The following FAM167A variants were observed in gnomAD, a reference collection of about 807,000 sequenced individuals.
The protein encoded by FAM167A is protein FAM167A.
In FAM167A, 23 loss-of-function variants were observed where a neutral mutation model predicts 14.9. The observed-to-expected ratio is 1.55, with a 90% CI of 1.11 to 2.19. The LOEUF (loss-of-function observed/expected upper bound fraction) is 2.19. FAM167A is among the 30% of genes most tolerant of loss of function. The probability of loss-of-function intolerance (pLI) is 0.00; values close to 1 mark genes in which losing one functional copy is unlikely to be tolerated. For synonymous variants in FAM167A, 174 were observed against 117.7 expected (o/e 1.48, Z -3.10); for missense variants, 401 against 281.5 (o/e 1.42, Z -3.04).
chr8:11,449,933 G>T (rs1358569333), intron 1 of FAM167A, among the ~76,000 whole-genome samples: 1 of 152,138 alleles, frequency 6.6e-6, no homozygotes, highest in African/African-American at 2.4e-5. Context: ...CCACTTCCTC[G>T]ATGGGCTCCC....
At chr8:11,442,517 C>T (rs577280914) in intron 2 of FAM167A, among the ~76,000 whole-genome samples, 1 of 152,202 alleles carries the variant, frequency 6.6e-6, no homozygotes, top group South Asian at 2.1e-4. Context: ...TCAGCTCCCA[C>T]AGGCAATAAA....
At chr8:11,427,525 G>A (rs1021702603) in intron 2 of FAM167A, among the ~76,000 whole-genome samples, 1 of 152,202 alleles carries the variant, frequency 6.6e-6, no homozygotes, top group Non-Finnish European at 1.5e-5. Flanking sequence ...TTAGAAAAAT[G>A]AGCCCTGAGA....
chr8:11,474,652 A>C (rs774090167), intron 1 of FAM167A: 6 of 152,238 alleles, frequency 3.9e-5, no homozygotes, highest in Non-Finnish European at 8.8e-5. Context: ...CAGAGGACAG[A>C]CTGATGAACA....
At position 11,444,457 on chromosome 8, in the gene FAM167A, G is replaced by T; in HGVS notation, c.-46C>A. ...CCGGACATGCGAGGGCACGGGGGGC[G>T]CAGGGGGAGGCTTGGTGGGTGGCAC... is the stretch of plus-strand genomic sequence containing the variant. On this transcript the variant is annotated 5_prime_UTR_variant, in exon 2 of 3. Transcript: ENST00000284486. The T allele has an allele frequency of 6.6e-7, 1 of 1,506,992 alleles. No homozygotes were observed. The allele number at this position is 1,506,992 out of a possible 1,614,324, so 93.4% of individuals were successfully genotyped here.
Position 11,458,671 on chromosome 8 carries a change from G to C in FAM167A, c.-398+7955C>G, listed in dbSNP as rs1183376973. Among the ~76,000 whole-genome samples, 3 of 152,176 alleles carry C rather than the reference G, an allele frequency of 2.0e-5. No homozygotes were observed. In the East Asian group the frequency reaches 5.8e-4, roughly 29 times the overall value. On this transcript the variant is annotated intron_variant, in intron 1 of 2. Transcript: ENST00000284486. ...AAACACAGACACTTGGAGAAATAGGGTATTTTCATCAGGAGCAGCTCAGCT... is the reference window on the plus strand; with the variant it reads ...AAACACAGACACTTGGAGAAATAGGCTATTTTCATCAGGAGCAGCTCAGCT...
intron 2 of FAM167A, 58 bp downstream of exon 2, chr8:11,443,973 A>G: frequency 6.4e-7 from 1 of 1,552,328 alleles, no homozygotes; most frequent in Non-Finnish European, 8.7e-7. Flanking sequence ...ACAGAAAAAG[A>G]CACAGAGAGA....
intron 1 of FAM167A, among the ~76,000 whole-genome samples, chr8:11,451,761 G>A (rs904902239): frequency 2.0e-4 from 30 of 152,282 alleles, no homozygotes; most frequent in African/African-American, 7.2e-4. Context: ...AACCAACCCT[G>A]GAGGCAAATG....
chr8:11,424,661 G>A (rs751599012), intron 2 of FAM167A, 25 bp from the exon 3 acceptor site: 2 of 1,610,862 alleles, frequency 1.2e-6, no homozygotes, highest in South Asian at 2.2e-5. Context: ...GAGCAGGCAG[G>A]GTCAGCAGAG....
In FAM167A at chr8:11,429,255, T is replaced by A. The variant is rs1805404407; in HGVS notation, c.382-4619A>T. On this transcript the variant is annotated intron_variant, in intron 2 of 2. Transcript: ENST00000284486. Reference sequence around the variant, plus strand: ...GCTAATTTCACTTAGCATAATGTCCTCTGGTTTCTGATGGCTAAGAAGCTT... The same window carrying A: ...GCTAATTTCACTTAGCATAATGTCCACTGGTTTCTGATGGCTAAGAAGCTT... Among the ~76,000 whole-genome samples the A allele has an allele frequency of 2.6e-5, 4 of 152,340 alleles. No individual in the cohort carries two copies. The South Asian group carries it at 8.3e-4, about 32-fold the overall frequency.
chr8:11,435,425 G>C (rs1324507622), intron 2 of FAM167A, among the ~76,000 whole-genome samples: 2 of 152,270 alleles, frequency 1.3e-5, no homozygotes, highest in Non-Finnish European at 2.9e-5. Context: ...ACAGTGCCTA[G>C]GGCATGCTCT....
At position 11,421,542 on chromosome 8, in the gene FAM167A, AAAC is replaced by A. The variant is rs1378881671; in HGVS notation, c.*2828_*2830del. 5.1e-6 allele frequency: 2 copies of A among 395,090 alleles called. No individual in the cohort carries two copies. Among genetic ancestry groups the A allele is most frequent in the African/African-American group, 4.1e-5 (2 of 48,590 alleles). The allele number at this position is 395,090 out of a possible 1,614,324, so 24.5% of individuals were successfully genotyped here. A position where few individuals can be genotyped will look rare whatever the true frequency, so the allele number is the denominator to read the frequency against. ...TTCACTTTTTCTAACAGCAATATAG[AAAC>A]AAATAATCATAAAAAATAAAAGTAT... On this transcript the variant is annotated 3_prime_UTR_variant, in exon 3 of 3. Coordinates refer to ENST00000284486, the MANE Select transcript of FAM167A (RefSeq NM_053279.3).
At chr8:11,468,878 C>T (rs1807867110), upstream of FAM167A, among the ~76,000 whole-genome samples, 1 of 152,212 alleles carries the variant, frequency 6.6e-6, no homozygotes, top group Non-Finnish European at 1.5e-5. Context: ...CCCATTCTGC[C>T]TGGCATTTGT....
At chr8:11,428,032 T>TGC (rs1237980043) in intron 2 of FAM167A, among the ~76,000 whole-genome samples, 1 of 152,340 alleles carries the variant, frequency 6.6e-6, no homozygotes, top group Admixed American at 6.5e-5. Flanking sequence ...GAACACCCAT[T>TGC]GCCTTAGTAC....
chr8:11,448,320 C>T lies in FAM167A; in HGVS notation c.-397-3512G>A, dbSNP rs116305782. Among the ~76,000 whole-genome samples, 6 of 150,556 alleles carry T rather than the reference C, an allele frequency of 4.0e-5. No individual in the cohort carries two copies. The East Asian group carries it at 7.7e-4, about 19-fold the overall frequency. On this transcript the variant is annotated intron_variant, in intron 1 of 2. Coordinates refer to ENST00000284486, the MANE Select transcript of FAM167A (RefSeq NM_053279.3). Reference sequence around the variant, plus strand: ...GTTCTGGGGATAATAACATCTACCTCGTAAGTCCTAATCAGGGATTCAATA... The same window carrying T: ...GTTCTGGGGATAATAACATCTACCTTGTAAGTCCTAATCAGGGATTCAATA...
At chr8:11,436,412 T>C (rs1282392681) in intron 2 of FAM167A, among the ~76,000 whole-genome samples, 1 of 152,196 alleles carries the variant, frequency 6.6e-6, no homozygotes. Context: ...ATGGCCCAGG[T>C]ACGGCTGTTC....
chr8:11,458,492 T>C (rs1048381352), intron 1 of FAM167A, among the ~76,000 whole-genome samples: 1 of 152,122 alleles, frequency 6.6e-6, no homozygotes, highest in Non-Finnish European at 1.5e-5. Flanking sequence ...GAAGGGACCA[T>C]GAGTCACAGC....
At chr8:11,459,794 A>C (rs1454679943) in intron 1 of FAM167A, among the ~76,000 whole-genome samples, 1 of 152,218 alleles carries the variant, frequency 6.6e-6, no homozygotes, top group Non-Finnish European at 1.5e-5. Context: ...GGCTTACTGC[A>C]AACTCTGCTT....
chr8:11,443,810 T>C, intron 2 of FAM167A: 1 of 570,752 alleles, frequency 1.8e-6, no homozygotes, highest in Non-Finnish European at 3.1e-6. Context: ...CCTTCATTAG[T>C]GTCTGCAATT....
chr8:11,473,918 G>C (rs532157887), intron 1 of FAM167A, among the ~76,000 whole-genome samples: 2 of 152,026 alleles, frequency 1.3e-5, no homozygotes, highest in African/African-American at 4.8e-5. Flanking sequence ...TGTCACCCAG[G>C]CTGGAGTGCA....
Sources: allele counts gnomAD v4.1 joint callset (sites outside exome capture counted in the v4.1 genomes callset), GRCh38; gene constraint gnomAD v4.1.1; transcripts MANE v1.5; gene names NCBI Gene and HGNC (gene_info 2026-07-23, HGNC 2026-07-21).